Variants in TMC1 observed in about 807,000 individuals in gnomAD.
The protein encoded by TMC1 is transmembrane channel like 1, also known as transmembrane channel-like protein 1.
In TMC1, 84 loss-of-function variants were observed where a neutral mutation model predicts 105.8. That is an observed-to-expected ratio of 0.79 (90% CI 0.67 to 0.95). TMC1 has a LOEUF of 0.95. Ranked by LOEUF, TMC1 falls within the 40% of genes least tolerant of loss-of-function variation. TMC1 has a pLI of 0.00. For missense variants in TMC1, 817 were observed against 914.1 expected, an observed-to-expected ratio of 0.89 and a Z score of 1.37; for synonymous variants, 315 against 311.5, an observed-to-expected ratio of 1.01 and a Z score of -0.12.
chr9:72,771,204 A>G (rs1564543674), intron 12 of TMC1, among the ~76,000 whole-genome samples: 1 of 152,152 alleles, frequency 6.6e-6, no homozygotes, highest in Admixed American at 6.5e-5. Flanking sequence ...TTCCTCTGAG[A>G]TTATTTGGAG....
At chr9:72,748,945 A>G (rs1240015339) in intron 10 of TMC1, among the ~76,000 whole-genome samples, 1 of 152,142 alleles carries the variant, frequency 6.6e-6, no homozygotes, top group Non-Finnish European at 1.5e-5. Context: ...ATTGGCCTGC[A>G]ATTCATTTTC....
At chr9:72,693,266 AATG>A (rs1378288153) in intron 6 of TMC1, among the ~76,000 whole-genome samples, 4 of 152,238 alleles carry the variant, frequency 2.6e-5, no homozygotes, top group Admixed American at 1.3e-4. Context: ...GAAAAAATAA[AATG>A]ATGACTCACA....
intron 20 of TMC1, among the ~76,000 whole-genome samples, chr9:72,826,665 T>C (rs1031087821): frequency 6.6e-6 from 1 of 152,184 alleles, no homozygotes; most frequent in Admixed American, 6.5e-5. Context: ...ACTATATGTT[T>C]ATACTGGGAT....
chr9:72,717,629 C>T (rs1414971818), intron 8 of TMC1, among the ~76,000 whole-genome samples: 1 of 152,170 alleles, frequency 6.6e-6, no homozygotes, highest in Non-Finnish European at 1.5e-5. Flanking sequence ...ACCCCAGTCC[C>T]CTCTAGCCTG....
intron 13 of TMC1, among the ~76,000 whole-genome samples, chr9:72,776,365 C>T (rs536715468): frequency 2.6e-5 from 4 of 152,142 alleles, no homozygotes; most frequent in South Asian, 4.2e-4. Flanking sequence ...GGAGCTGCAA[C>T]AATAATTATA....
At chr9:72,752,819 T>A (rs907159516) in intron 11 of TMC1, among the ~76,000 whole-genome samples, 3 of 152,112 alleles carry the variant, frequency 2.0e-5, no homozygotes, top group Non-Finnish European at 4.4e-5. Context: ...TTCAAATCAG[T>A]GCCAGTTTCT....
At chr9:72,557,604 T>C (rs559043116) in intron 1 of TMC1, among the ~76,000 whole-genome samples, 4 of 152,220 alleles carry the variant, frequency 2.6e-5, no homozygotes, top group Non-Finnish European at 5.9e-5. Context: ...GTCCCCCAGA[T>C]CTAGGTTGTG....
intron 1 of TMC1, among the ~76,000 whole-genome samples, chr9:72,555,203 T>C (rs2132074498): frequency 1.3e-5 from 2 of 150,678 alleles, no homozygotes; most frequent in African/African-American, 4.9e-5. Context: ...GTTTTTTTTT[T>C]TTTTTTTTTG....
intron 1 of TMC1, among the ~76,000 whole-genome samples, chr9:72,537,149 C>A (rs4326436): frequency 0.11 from 16,938 of 152,204 alleles, 1,418 homozygotes; most frequent in African/African-American, 0.23. Context: ...ATGCAGACAG[C>A]AGCATCCTGA....
chr9:72,818,819 T>C (rs1322136608), intron 19 of TMC1: 1 of 152,182 alleles, frequency 6.6e-6, no homozygotes, highest in Non-Finnish European at 1.5e-5. Context: ...AACATTCGGA[T>C]ATTATTATGC....
chr9:72,754,907 A>C (rs1279097005), intron 12 of TMC1, 23 bp downstream of exon 12: 29 of 1,546,122 alleles, frequency 1.9e-5, no homozygotes, highest in Non-Finnish European at 2.6e-5. Flanking sequence ...ACACAAGTGT[A>C]TTGGTGGGAG....
At chr9:72,825,421 G>A (rs991279469) in intron 20 of TMC1, among the ~76,000 whole-genome samples, 10 of 152,170 alleles carry the variant, frequency 6.6e-5, no homozygotes, top group African/African-American at 2.2e-4. Context: ...ATGTAGATGC[G>A]TCCATAATTT....
rs1829126646 is a variant in TMC1, at chr9:72,836,327, T to A, written c.*354T>A. ...TTAAAAAAAATTTGCTCATATGAAC[T>A]TTCATTTTATATGTTTCTTTTGCCT... On this transcript the variant is annotated 3_prime_UTR_variant, in exon 24 of 24. Transcript: ENST00000297784. 4 of 257,706 alleles carry A rather than the reference T, an allele frequency of 1.6e-5. No individual in the cohort carries two copies. In the East Asian group the frequency reaches 2.2e-4, roughly 14 times the overall value. The allele number at this position is 257,706 out of a possible 1,614,324, so 16.0% of individuals were successfully genotyped here. A position where few individuals can be genotyped will look rare whatever the true frequency, so the allele number is the denominator to read the frequency against.
chr9:72,673,199 A>T (rs1340408389), intron 5 of TMC1, among the ~76,000 whole-genome samples: 2 of 152,188 alleles, frequency 1.3e-5, no homozygotes, highest in Admixed American at 1.3e-4. Flanking sequence ...GAGATGCAAC[A>T]ACAGCAGTAT....
At chr9:72,547,541 A>T (rs1048192052) in intron 1 of TMC1, among the ~76,000 whole-genome samples, 1 of 152,194 alleles carries the variant, frequency 6.6e-6, no homozygotes, top group Non-Finnish European at 1.5e-5. Context: ...GCATATCACA[A>T]TTCAGTCATA....
chr9:72,743,124 T>G (rs1827419800), intron 10 of TMC1, among the ~76,000 whole-genome samples: 1 of 151,522 alleles, frequency 6.6e-6, no homozygotes, highest in Non-Finnish European at 1.5e-5. Context: ...TCCCAGCACT[T>G]TGGGAGGCCG....
chr9:72,644,116 CTGTT>C (rs1452144033), intron 4 of TMC1, among the ~76,000 whole-genome samples: 1 of 151,946 alleles, frequency 6.6e-6, no homozygotes, highest in Non-Finnish European at 1.5e-5. Flanking sequence ...TTTTATTGGA[CTGTT>C]TGTTTTCTTA....
chr9:72,646,282 T>G (rs928308451), intron 4 of TMC1, among the ~76,000 whole-genome samples: 7 of 152,210 alleles, frequency 4.6e-5, no homozygotes, highest in African/African-American at 1.4e-4. Flanking sequence ...TGTAATAGTC[T>G]TAGTATTAAA....
At chr9:72,714,636 CT>C (rs1826889244) in intron 8 of TMC1, among the ~76,000 whole-genome samples, 1 of 152,036 alleles carries the variant, frequency 6.6e-6, no homozygotes, top group Non-Finnish European at 1.5e-5. Context: ...TCCTCCATCC[CT>C]TTATTTTGAG....
Sources: gnomAD v4.1 joint callset for allele counts (sites outside exome capture counted in the v4.1 genomes callset) on GRCh38, gnomAD v4.1.1 for gene constraint, MANE v1.5 for transcripts, NCBI Gene and HGNC (gene_info 2026-07-23, HGNC 2026-07-21) for gene names.